ARHGAP26: variants seen among roughly 807,000 people sequenced by gnomAD.
The protein encoded by ARHGAP26 is Rho GTPase activating protein 26.
Under a neutral mutation model 104.8 loss-of-function variants are expected in ARHGAP26, and 38 were observed. That is an observed-to-expected ratio of 0.36 (90% CI 0.28 to 0.48). ARHGAP26 has a LOEUF of 0.48. Among genes scored for constraint, ARHGAP26 ranks in the 20% least tolerant of loss-of-function variants. ARHGAP26 has a pLI of 0.99. For synonymous variants in ARHGAP26, 341 were observed against 340.0 expected, an observed-to-expected ratio of 1.00 and a Z score of -0.03; for missense variants, 704 against 947.9, an observed-to-expected ratio of 0.74 and a Z score of 3.38.
intron 11 of ARHGAP26, among the ~76,000 whole-genome samples, chr5:142,936,012 A>C (rs927625524): frequency 2.0e-5 from 3 of 151,902 alleles, no homozygotes; most frequent in Admixed American, 6.6e-5. Context: ...GCAGTAGGGC[A>C]AGAAATTAAT....
rs75993342 is a variant in ARHGAP26 at position 143,216,066 on chromosome 5, A to G, written c.2191+1978A>G. The G allele has an allele frequency of 5.1e-3, 2,074 of 410,036 alleles. 25 individuals are homozygous for G. Among genetic ancestry groups the G allele is most frequent in the African/African-American group, 0.038 (1,816 of 48,150 alleles). The allele number at this position is 410,036 out of a possible 1,614,324, so 25.4% of individuals were successfully genotyped here. ...AGAAGTTGCACCATTTTACCATTTT[A>G]TGTTCCTACCTTCTTTCATTTTTAA... On this transcript the variant is annotated intron_variant, in intron 22 of 22. Transcript: ENST00000645722.
At chr5:143,218,938 T>G (rs1810765381) in intron 22 of ARHGAP26, among the ~76,000 whole-genome samples, 1 of 152,258 alleles carries the variant, frequency 6.6e-6, no homozygotes, top group Non-Finnish European at 1.5e-5. Context: ...TGCTTAACTT[T>G]TCACAGCCAC....
intron 20 of ARHGAP26, among the ~76,000 whole-genome samples, chr5:143,184,178 A>G (rs944076692): frequency 6.6e-6 from 1 of 152,202 alleles, no homozygotes; most frequent in African/African-American, 2.4e-5. Context: ...TACAGAGACA[A>G]CATTGATCTT....
At chr5:143,050,278 T>A (rs915543334) in intron 14 of ARHGAP26, among the ~76,000 whole-genome samples, 1 of 152,238 alleles carries the variant, frequency 6.6e-6, no homozygotes, top group Non-Finnish European at 1.5e-5. Context: ...GTTTTTACCA[T>A]GATGATAAAG....
intron 1 of ARHGAP26, among the ~76,000 whole-genome samples, chr5:142,850,071 C>A (rs762628179): frequency 7.2e-5 from 11 of 152,228 alleles, no homozygotes; most frequent in Admixed American, 1.3e-4. Flanking sequence ...AGACTCTGCT[C>A]TGCTGCCTCC....
At chr5:142,912,586 G>T (rs926188956) in intron 9 of ARHGAP26, among the ~76,000 whole-genome samples, 9 of 152,196 alleles carry the variant, frequency 5.9e-5, no homozygotes, top group Admixed American at 5.2e-4. Flanking sequence ...TTGTTAAAAT[G>T]TATTTATTGA....
chr5:142,994,211 G>C (rs1301847914), intron 11 of ARHGAP26, among the ~76,000 whole-genome samples: 1 of 152,200 alleles, frequency 6.6e-6, no homozygotes, highest in Non-Finnish European at 1.5e-5. Flanking sequence ...AGAGGAGCAC[G>C]TATAGGTAGG....
At chr5:142,929,558 C>T (rs1208307676) in intron 10 of ARHGAP26, among the ~76,000 whole-genome samples, 1 of 152,136 alleles carries the variant, frequency 6.6e-6, no homozygotes, top group Non-Finnish European at 1.5e-5. Flanking sequence ...CATGTGAATC[C>T]GTCCCCTACC....
Position 143,104,883 on chromosome 5 carries a change from GTATACCT to G in ARHGAP26, c.1539-16102_1539-16096del, listed in dbSNP as rs549538543. On this transcript the variant is annotated intron_variant, in intron 17 of 22. Transcript: ENST00000645722. ...CTGAAAAAAACATGGAATGTGACAC[GTATACCT>G]TAAAACATTGAATAACATTTAGTTA... 4.8e-3 allele frequency among the ~76,000 whole-genome samples: 732 copies of G among 152,278 alleles called. 19 individuals are homozygous for G. Among genetic ancestry groups the G allele is most frequent in the Admixed American group, 0.039 (600 of 15,298 alleles).
intron 11 of ARHGAP26, among the ~76,000 whole-genome samples, chr5:142,977,109 G>A (rs188470626): frequency 6.6e-6 from 1 of 152,354 alleles, no homozygotes; most frequent in East Asian, 1.9e-4. Context: ...GCTGAGGGAA[G>A]GAGTACACTA....
At chr5:143,221,474 C>T (rs1474845890) in intron 22 of ARHGAP26, among the ~76,000 whole-genome samples, 1 of 141,106 alleles carries the variant, frequency 7.1e-6, no homozygotes, top group African/African-American at 2.6e-5. Flanking sequence ...AAATTAGAAG[C>T]AGGGGGTAAG....
intron 11 of ARHGAP26, among the ~76,000 whole-genome samples, chr5:142,950,218 G>A (rs1768097206): frequency 1.3e-5 from 2 of 152,124 alleles, no homozygotes; most frequent in African/African-American, 4.8e-5. Flanking sequence ...GGGAGGGGCA[G>A]GACAGGCAGA....
intron 19 of ARHGAP26, among the ~76,000 whole-genome samples, chr5:143,143,169 A>G (rs979892194): frequency 2.6e-5 from 4 of 151,860 alleles, no homozygotes; most frequent in African/African-American, 9.7e-5. Context: ...ATGGGGGGAA[A>G]CCTCCCGCAA....
chr5:142,933,053 G>A (rs956997001), intron 11 of ARHGAP26, among the ~76,000 whole-genome samples: 9 of 152,142 alleles, frequency 5.9e-5, no homozygotes, highest in Admixed American at 4.6e-4. Flanking sequence ...CTATAATTAA[G>A]CATTGTTTAA....
chr5:142,971,605 G>A (rs570922504), intron 11 of ARHGAP26, among the ~76,000 whole-genome samples: 10 of 152,112 alleles, frequency 6.6e-5, no homozygotes, highest in Middle Eastern at 3.4e-3. Flanking sequence ...TTTTAGAAAC[G>A]GAGGCTGATG....
intron 20 of ARHGAP26, among the ~76,000 whole-genome samples, chr5:143,175,565 G>T (rs1194979161): frequency 6.6e-6 from 1 of 151,696 alleles, no homozygotes; most frequent in African/African-American, 2.4e-5. Flanking sequence ...AAGAATGTTG[G>T]ATACCAAAAT....
intron 10 of ARHGAP26, among the ~76,000 whole-genome samples, chr5:142,917,828 C>T (rs1347001545): frequency 6.6e-6 from 1 of 152,084 alleles, no homozygotes; most frequent in Admixed American, 6.5e-5. Context: ...CTGTCACTGT[C>T]CCTAGCTCCA....
At chr5:143,138,382 G>A (rs1321652818) in intron 19 of ARHGAP26, among the ~76,000 whole-genome samples, 1 of 152,136 alleles carries the variant, frequency 6.6e-6, no homozygotes, top group Admixed American at 6.5e-5. Flanking sequence ...GGGAATGATG[G>A]GGAAATGCAG....
intron 2 of ARHGAP26, 94 bp from the exon 3 acceptor site, chr5:142,875,016 G>A: frequency 1.9e-6 from 2 of 1,038,788 alleles, no homozygotes; most frequent in Non-Finnish European, 3.0e-6. Flanking sequence ...TATGTGCCAA[G>A]GAATTAAAAT....
Sources: gnomAD v4.1 joint callset for allele counts (sites outside exome capture counted in the v4.1 genomes callset) on GRCh38, gnomAD v4.1.1 for gene constraint, MANE v1.5 for transcripts, NCBI Gene and HGNC (gene_info 2026-07-23, HGNC 2026-07-21) for gene names.